The following PCNX1 variants were observed in gnomAD, a reference collection of about 807,000 sequenced individuals.
PCNX1 encodes the protein pecanex 1.
In PCNX1, 78 loss-of-function variants were observed where a neutral mutation model predicts 242.2. That is an observed-to-expected ratio of 0.32 (90% CI 0.27 to 0.39). The LOEUF is 0.39. PCNX1 is among the 10% of genes least tolerant of loss of function. The probability of loss-of-function intolerance (pLI) is 1.00; values close to 1 mark genes in which losing one functional copy is unlikely to be tolerated. For synonymous variants in PCNX1, 1,024 were observed against 1,032.9 expected, an observed-to-expected ratio of 0.99 and a Z score of 0.17; for missense variants, 2,581 against 2,856.5, an observed-to-expected ratio of 0.90 and a Z score of 2.20.
chr14:70,976,489 C>T (rs2058694086), intron 5 of PCNX1, among the ~76,000 whole-genome samples: 1 of 151,714 alleles, frequency 6.6e-6, no homozygotes, highest in Admixed American at 6.6e-5. Context: ...TCTCCTGCCT[C>T]AGCCTCCGGA....
chr14:71,103,263 C>T, intron 31 of PCNX1, 132 bp from the exon 32 acceptor site: 2 of 996,918 alleles, frequency 2.0e-6, no homozygotes, highest in South Asian at 1.6e-5. Context: ...ATGTGACCTA[C>T]TTATATTTGT....
intron 1 of PCNX1, 33 bp from the exon 2 acceptor site, chr14:70,946,882 A>T: frequency 7.4e-7 from 1 of 1,353,278 alleles, no homozygotes; most frequent in Non-Finnish European, 1.0e-6. Context: ...AAAATATTTT[A>T]AAATGTATTT....
chr14:71,109,968 C>G lies in PCNX1; in HGVS notation c.*33C>G. ...TTTATTATAAAGACATTTCTTTTTC[C>G]CTCTCAATTCCAAGGCATTGGAAAA... On this transcript the variant is annotated 3_prime_UTR_variant, in exon 36 of 36. Transcript: ENST00000304743. The G allele has an allele frequency of 6.3e-7, 1 of 1,599,372 alleles. No homozygotes were observed. The highest frequency in any genetic ancestry group is 1.3e-5 in the African/African-American group (1 of 74,582).
chr14:70,962,422 G>GT, intron 3 of PCNX1, 91 bp downstream of exon 3: 1 of 684,894 alleles, frequency 1.5e-6, no homozygotes, highest in Non-Finnish European at 2.7e-6. Context: ...CTGATGTTTT[G>GT]TCATATCTTT....
intron 30 of PCNX1, among the ~76,000 whole-genome samples, chr14:71,090,673 T>C (rs2062105109): frequency 6.6e-6 from 1 of 152,262 alleles, no homozygotes; most frequent in Non-Finnish European, 1.5e-5. Context: ...AAAATGTTTT[T>C]AAAACTTAGA....
At chr14:71,082,643 T>A (rs1170793280) in intron 28 of PCNX1, among the ~76,000 whole-genome samples, 2 of 152,204 alleles carry the variant, frequency 1.3e-5, no homozygotes, top group Non-Finnish European at 2.9e-5. Context: ...GTTTAAAGTC[T>A]GTTTTATCAG....
At chr14:71,009,495 G>C in intron 8 of PCNX1, 139 bp from the exon 9 acceptor site, 1 of 448,282 alleles carries the variant, frequency 2.2e-6, no homozygotes, top group East Asian at 3.2e-5. Context: ...ATTACATGCA[G>C]ATCATTGTTT....
At chr14:70,914,885 T>TG (rs1335327823) in intron 1 of PCNX1, among the ~76,000 whole-genome samples, 2 of 152,180 alleles carry the variant, frequency 1.3e-5, no homozygotes, top group Non-Finnish European at 1.5e-5. Context: ...AGTGTAGACT[T>TG]GGCATGTTGT....
At chr14:71,016,954 AATAG>A (rs1317782389) in intron 11 of PCNX1, among the ~76,000 whole-genome samples, 1 of 152,198 alleles carries the variant, frequency 6.6e-6, no homozygotes, top group Non-Finnish European at 1.5e-5. Flanking sequence ...AATTGATACA[AATAG>A]CTAAAGGCTA....
chr14:71,013,143 AC>A lies in PCNX1; in HGVS notation c.2941del (p.Gln981SerfsTer28). The A allele has an allele frequency of 6.2e-7, 1 of 1,614,006 alleles. No individual in the cohort carries two copies. The highest frequency in any genetic ancestry group is 1.1e-5 in the South Asian group (1 of 91,086). Reference sequence around the variant, plus strand: ...AACACTATTATCGCTTTTGGATCCTACCCCAGCTGTGGATTGGCATTAACTT... The same window carrying A: ...AACACTATTATCGCTTTTGGATCCTACCCAGCTGTGGATTGGCATTAACTT... The part of the protein sequence containing the change: ...VKHYYRFWIL[P>X]QLWIGINFDR... On this transcript the variant is annotated frameshift_variant, in exon 11 of 36. Transcript: ENST00000304743. LOFTEE classifies it high-confidence loss of function.
chr14:70,992,837 A>G (rs538954655), intron 7 of PCNX1, among the ~76,000 whole-genome samples: 1 of 152,284 alleles, frequency 6.6e-6, no homozygotes, highest in Non-Finnish European at 1.5e-5. Context: ...CTCCAGGAAT[A>G]TGTTTTCTAA....
chr14:70,931,212 G>A (rs965115332), intron 1 of PCNX1, among the ~76,000 whole-genome samples: 1 of 152,132 alleles, frequency 6.6e-6, no homozygotes, highest in Admixed American at 6.5e-5. Flanking sequence ...AAAAGCCAAA[G>A]GGGGTTTTTC....
intron 5 of PCNX1, among the ~76,000 whole-genome samples, chr14:70,976,372 C>CTTTCTT (rs2058688482): frequency 1.2e-5 from 1 of 82,694 alleles, no homozygotes; most frequent in Non-Finnish European, 2.6e-5. Context: ...TTCTTTCTTT[C>CTTTCTT]TTTTTTTTTT....
At chr14:70,915,344 A>G (rs2056109270) in intron 1 of PCNX1, among the ~76,000 whole-genome samples, 1 of 152,110 alleles carries the variant, frequency 6.6e-6, no homozygotes, top group South Asian at 2.1e-4. Context: ...CTTTTTGTTC[A>G]GCTGTTCTGA....
At chr14:71,064,434 G>A (rs1286757496) in intron 26 of PCNX1, among the ~76,000 whole-genome samples, 1 of 151,986 alleles carries the variant, frequency 6.6e-6, no homozygotes, top group African/African-American at 2.4e-5. Flanking sequence ...CCTCAGTTGG[G>A]TAAATGTCCA....
intron 28 of PCNX1, among the ~76,000 whole-genome samples, chr14:71,080,635 T>C (rs886162606): frequency 6.6e-6 from 1 of 152,228 alleles, no homozygotes; most frequent in Non-Finnish European, 1.5e-5. Context: ...TTTGTAGCAA[T>C]TGTGAATGGA....
intron 2 of PCNX1, among the ~76,000 whole-genome samples, chr14:70,948,793 T>C (rs1249732864): frequency 6.7e-6 from 1 of 148,704 alleles, no homozygotes; most frequent in Admixed American, 6.7e-5. Flanking sequence ...TATATACTTA[T>C]AAATGCTTAT....
Position 70,977,804 on chromosome 14 carries a change from A to G in PCNX1, c.1467A>G (p.Glu489=). The G allele has an allele frequency of 6.2e-7, 1 of 1,614,184 alleles. No homozygotes were observed. Among genetic ancestry groups the G allele is most frequent in the Non-Finnish European group, 8.5e-7 (1 of 1,180,032 alleles). The change falls in exon 6 of 36, where the codon GAA becomes GAG. Residue 489 remains glutamate, a synonymous_variant. Coordinates refer to ENST00000304743, the MANE Select transcript of PCNX1 (RefSeq NM_014982.3). ...QRGLSTSASE[E]ANKNPHANEF... ...GTCTCAGCACCTCTGCATCTGAAGA[A>G]GCCAATAAAAATCCCCATGCAAATG...
At chr14:71,049,275 C>T (rs2060953631) in intron 22 of PCNX1, 1 of 178,568 alleles carries the variant, frequency 5.6e-6, no homozygotes, top group Non-Finnish European at 1.1e-5. Flanking sequence ...GATGCTTAGG[C>T]TACACCAATG....
Sources: allele counts gnomAD v4.1 joint callset (sites outside exome capture counted in the v4.1 genomes callset), GRCh38; gene constraint gnomAD v4.1.1; transcripts MANE v1.5; gene names NCBI Gene and HGNC (gene_info 2026-07-23, HGNC 2026-07-21).